Variants in MMP26 observed in about 807,000 individuals in gnomAD.
MMP26 encodes the protein matrix metalloproteinase-26.
Under a neutral mutation model 31.0 loss-of-function variants are expected in MMP26, and 33 were observed. That is an observed-to-expected ratio of 1.06 (90% CI 0.81 to 1.42). The LOEUF (loss-of-function observed/expected upper bound fraction) is 1.42, where lower values mean the gene tolerates loss of function less well. MMP26 is among the 40% of genes most tolerant of loss of function. The pLI is 0.00. For missense variants in MMP26, 347 were observed against 316.1 expected, an observed-to-expected ratio of 1.10 and a Z score of -0.74; for synonymous variants, 122 against 114.9, an observed-to-expected ratio of 1.06 and a Z score of -0.40.
chr11:4,839,484 C>G (rs1336438893), intron 2 of MMP26, among the ~76,000 whole-genome samples: 2 of 151,630 alleles, frequency 1.3e-5, no homozygotes, highest in African/African-American at 4.8e-5. Flanking sequence ...TGTCTTGCAT[C>G]TTGCAGGCCA....
chr11:4,754,600 C>T (rs1848484548), intron 1 of MMP26, among the ~76,000 whole-genome samples: 1 of 151,830 alleles, frequency 6.6e-6, no homozygotes, highest in African/African-American at 2.4e-5. Flanking sequence ...ACAAACCATT[C>T]AAGTTTATTC....
At chr11:4,786,297 G>A (rs1295265328) in intron 2 of MMP26, among the ~76,000 whole-genome samples, 1 of 152,118 alleles carries the variant, frequency 6.6e-6, no homozygotes, top group African/African-American at 2.4e-5. Flanking sequence ...AGGAATAACT[G>A]CAACTCAGAA....
At position 4,718,620 on chromosome 11, in the gene MMP26, T is replaced by A. The variant is rs1036242717; in HGVS notation, c.-217+13575T>A. ...TGCCATTTGAGTTCAATATGTCAAC[T>A]TTGCAGAATATCACCTCCACTTCCA... On this transcript the variant is annotated intron_variant, in intron 1 of 7. Coordinates refer to ENST00000380390, the MANE Select transcript of MMP26 (RefSeq NM_021801.5). 7 of 154,580 alleles carry A rather than the reference T, an allele frequency of 4.5e-5. No individual in the cohort carries two copies. In the Admixed American group the frequency reaches 4.6e-4, roughly 10 times the overall value. The allele number at this position is 154,580 out of a possible 1,614,324, so 9.6% of individuals were successfully genotyped here.
chr11:4,736,465 T>C (rs1235291480), intron 1 of MMP26: 4 of 152,178 alleles, frequency 2.6e-5, no homozygotes, highest in African/African-American at 9.7e-5. Context: ...AGAATAAAGA[T>C]GGAGTCCACT....
chr11:4,907,178 G>A (rs1850908261), intron 2 of MMP26, among the ~76,000 whole-genome samples: 1 of 150,824 alleles, frequency 6.6e-6, no homozygotes, highest in South Asian at 2.1e-4. Flanking sequence ...TTACCATGCT[G>A]GAGAATATGA....
intron 2 of MMP26, among the ~76,000 whole-genome samples, chr11:4,856,398 C>T (rs1183766531): frequency 1.3e-5 from 2 of 151,830 alleles, no homozygotes; most frequent in Admixed American, 6.6e-5. Flanking sequence ...AAATGGAAAA[C>T]CAAAAAAAGC....
chr11:4,991,176 T>C (rs1422680811), intron 5 of MMP26, among the ~76,000 whole-genome samples, 195 bp from the exon 6 acceptor site: 2 of 152,226 alleles, frequency 1.3e-5, no homozygotes, highest in Admixed American at 1.3e-4. Flanking sequence ...TGTCTTTCTT[T>C]TTACCCTAGA....
At chr11:4,955,966 T>C (rs1428248151) in intron 2 of MMP26, among the ~76,000 whole-genome samples, 1 of 152,218 alleles carries the variant, frequency 6.6e-6, no homozygotes, top group African/African-American at 2.4e-5. Context: ...CTGGACATGT[T>C]ATTTCTATAG....
chr11:4,807,813 T>C (rs1017384842), intron 2 of MMP26, among the ~76,000 whole-genome samples: 1 of 152,170 alleles, frequency 6.6e-6, no homozygotes, highest in Non-Finnish European at 1.5e-5. Flanking sequence ...GTTCTTTTTC[T>C]TTTATTTTTG....
At chr11:4,879,217 C>G (rs1368922595) in intron 2 of MMP26, among the ~76,000 whole-genome samples, 1 of 152,014 alleles carries the variant, frequency 6.6e-6, no homozygotes, top group Admixed American at 6.6e-5. Context: ...CTCAGTGACA[C>G]AGAGAGATTC....
intron 1 of MMP26, chr11:4,756,600 G>A (rs1848507207): frequency 6.6e-6 from 1 of 151,980 alleles, no homozygotes; most frequent in Non-Finnish European, 1.5e-5. Flanking sequence ...ATAAAACATG[G>A]CATTCATGAC....
At chr11:4,908,364 C>A in intron 2 of MMP26, 1 of 1,435,174 alleles carries the variant, frequency 7.0e-7, no homozygotes, top group Non-Finnish European at 9.8e-7. Context: ...CTGTCATTTG[C>A]TATGTGCTTA....
intron 2 of MMP26, chr11:4,945,333 C>T (rs1846278334): frequency 6.6e-6 from 1 of 152,128 alleles, no homozygotes; most frequent in African/African-American, 2.4e-5. Flanking sequence ...AAGCAAAGAG[C>T]TCTGTAAATT....
chr11:4,963,024 C>T (rs1846542596), intron 2 of MMP26, among the ~76,000 whole-genome samples: 1 of 152,140 alleles, frequency 6.6e-6, no homozygotes. Flanking sequence ...GATGCTTTCC[C>T]ATTAGCCAAG....
intron 2 of MMP26, among the ~76,000 whole-genome samples, chr11:4,840,264 G>A (rs1849776448): frequency 6.6e-6 from 1 of 152,220 alleles, no homozygotes; most frequent in Admixed American, 6.5e-5. Context: ...CTTCCTGAAG[G>A]AAAGGACACA....
At chr11:4,769,335 G>T (rs181690662) in intron 2 of MMP26, 9 of 1,613,394 alleles carry the variant, frequency 5.6e-6, no homozygotes, top group Non-Finnish European at 6.8e-6. Context: ...CTATTTGCCC[G>T]AATGTCTGAA....
chr11:4,893,306 T>C (rs1377303084), intron 2 of MMP26, among the ~76,000 whole-genome samples: 2 of 152,188 alleles, frequency 1.3e-5, no homozygotes, highest in African/African-American at 4.8e-5. Context: ...TATTTCTCTT[T>C]ATGTTTACAT....
intron 2 of MMP26, among the ~76,000 whole-genome samples, chr11:4,786,131 G>T (rs1349986297): frequency 6.6e-6 from 1 of 152,138 alleles, no homozygotes; most frequent in African/African-American, 2.4e-5. Context: ...GCCTGGGTGT[G>T]TGTGAAACTG....
chr11:4,767,397 G>A lies in MMP26; in HGVS notation c.-145+56G>A, dbSNP rs373658913. The A allele has an allele frequency of 1.9e-4, 29 of 152,142 alleles. No individual in the cohort carries two copies. The East Asian group carries it at 4.6e-3, about 24-fold the overall frequency. The allele number at this position is 152,142 out of a possible 1,614,324, so 9.4% of individuals were successfully genotyped here. A position where few individuals can be genotyped will look rare whatever the true frequency, so the allele number is the denominator to read the frequency against. ...CACCCCAATAAGTCCATTATTTCATGACTTTTTGTTCATGTTGATGTTTTA... is the reference window on the plus strand; with the variant it reads ...CACCCCAATAAGTCCATTATTTCATAACTTTTTGTTCATGTTGATGTTTTA... On this transcript the variant is annotated intron_variant, in intron 2 of 7. Coordinates refer to ENST00000380390, the MANE Select transcript of MMP26 (RefSeq NM_021801.5).
Sources: gnomAD v4.1 joint callset for allele counts (sites outside exome capture counted in the v4.1 genomes callset) on GRCh38, gnomAD v4.1.1 for gene constraint, MANE v1.5 for transcripts, NCBI Gene and HGNC (gene_info 2026-07-23, HGNC 2026-07-21) for gene names.